The following GPC6 variants were observed in gnomAD, a reference collection of about 807,000 sequenced individuals.
GPC6 encodes glypican 6.
A neutral mutation model predicts 55.2 loss-of-function variants in GPC6; 14 were observed. The observed-to-expected ratio is 0.25, with a 90% CI of 0.17 to 0.40. GPC6 has a LOEUF of 0.40. GPC6 is among the 10% of genes least tolerant of loss of function. GPC6 has a pLI of 1.00. For missense variants in GPC6, 641 were observed against 708.5 expected (o/e 0.90, Z 1.08); for synonymous variants, 278 against 259.6 (o/e 1.07, Z -0.68).
chr13:93,667,735 G>GTTTTTTTTTT (rs71126408), intron 2 of GPC6, among the ~76,000 whole-genome samples: 25,837 of 120,212 alleles, frequency 0.21, 2,952 homozygotes, highest in East Asian at 0.4. Context: ...GCCAGGACTT[G>GTTTTTTTTTT]TTTTTTTTTT....
At chr13:93,401,255 A>G (rs1307396617) in intron 1 of GPC6, among the ~76,000 whole-genome samples, 2 of 151,764 alleles carry the variant, frequency 1.3e-5, no homozygotes, top group African/African-American at 2.4e-5. Flanking sequence ...CACTTGGCAG[A>G]CAAATGTATG....
At chr13:93,255,345 A>G (rs1008102615) in intron 1 of GPC6, among the ~76,000 whole-genome samples, 3 of 152,156 alleles carry the variant, frequency 2.0e-5, no homozygotes, top group Admixed American at 2.0e-4. Flanking sequence ...TTATACTAGA[A>G]CCATTCAAAT....
At chr13:94,103,492 C>A (rs1387643817) in intron 4 of GPC6, among the ~76,000 whole-genome samples, 2 of 152,184 alleles carry the variant, frequency 1.3e-5, no homozygotes, top group African/African-American at 4.8e-5. Flanking sequence ...AACTAGTTTA[C>A]ACTCCCACCA....
At chr13:93,759,543 C>T (rs1884888978) in intron 2 of GPC6, among the ~76,000 whole-genome samples, 4 of 152,120 alleles carry the variant, frequency 2.6e-5, no homozygotes, top group Admixed American at 2.6e-4. Context: ...AATATAGCTT[C>T]TTGTTTTCCT....
chr13:93,662,365 C>T (rs534487733), intron 2 of GPC6, among the ~76,000 whole-genome samples: 2 of 152,222 alleles, frequency 1.3e-5, no homozygotes, highest in Admixed American at 6.5e-5. Context: ...GGTGGTGGCT[C>T]ACGCCTGTAA....
chr13:94,158,577 T>G (rs1888041466), intron 4 of GPC6, among the ~76,000 whole-genome samples: 1 of 151,974 alleles, frequency 6.6e-6, no homozygotes, highest in Non-Finnish European at 1.5e-5. Context: ...CAGGAGAGAA[T>G]GAGTAACAAG....
chr13:93,554,029 T>C (rs927744785), intron 2 of GPC6, among the ~76,000 whole-genome samples: 3 of 148,998 alleles, frequency 2.0e-5, no homozygotes, highest in African/African-American at 7.5e-5. Flanking sequence ...AGGCCTGTAA[T>C]CCCAGCTACT....
chr13:93,703,239 G>T (rs1882734120), intron 2 of GPC6, among the ~76,000 whole-genome samples: 1 of 151,880 alleles, frequency 6.6e-6, no homozygotes, highest in African/African-American at 2.4e-5. Context: ...AATGGTCAGT[G>T]AGTAGAGCAG....
intron 4 of GPC6, among the ~76,000 whole-genome samples, chr13:94,174,568 G>T (rs1888680342): frequency 6.6e-6 from 1 of 152,088 alleles, no homozygotes; most frequent in African/African-American, 2.4e-5. Flanking sequence ...TGGCAAAGCA[G>T]AAGGTCAGTG....
At chr13:93,677,909 A>G (rs1258293710) in intron 2 of GPC6, among the ~76,000 whole-genome samples, 1 of 152,148 alleles carries the variant, frequency 6.6e-6, no homozygotes, top group East Asian at 1.9e-4. Context: ...CATTTGTGTT[A>G]ATATTTCAAT....
chr13:94,260,171 G>A (rs921008896), intron 4 of GPC6, among the ~76,000 whole-genome samples: 3 of 152,168 alleles, frequency 2.0e-5, no homozygotes, highest in African/African-American at 7.2e-5. Context: ...AGTGACACCT[G>A]CTGCCATGGT....
At chr13:93,618,813 T>G (rs1408111766) in intron 2 of GPC6, among the ~76,000 whole-genome samples, 1 of 152,170 alleles carries the variant, frequency 6.6e-6, no homozygotes, top group South Asian at 2.1e-4. Context: ...CAACAAACCA[T>G]TAATTATAGA....
chr13:94,390,883 GA>G (rs754651508), intron 7 of GPC6, among the ~76,000 whole-genome samples: 13 of 136,122 alleles, frequency 9.6e-5, no homozygotes, highest in Admixed American at 5.0e-4. Context: ...TTGCAAATGG[GA>G]AAAAAAAAAT....
At chr13:93,451,755 AATTCAATAGC>A (rs1310716330) in intron 1 of GPC6, among the ~76,000 whole-genome samples, 2 of 152,220 alleles carry the variant, frequency 1.3e-5, no homozygotes, top group Non-Finnish European at 2.9e-5. Context: ...TCTTTTTAAA[AATTCAATAGC>A]ATTCTAGTTG....
chr13:94,239,959 C>T (rs1891004105), intron 4 of GPC6, among the ~76,000 whole-genome samples: 1 of 152,034 alleles, frequency 6.6e-6, no homozygotes, highest in Non-Finnish European at 1.5e-5. Context: ...GTGATGCTCA[C>T]CTACTTTAAA....
At chr13:93,960,225 G>A (rs1879704573) in intron 3 of GPC6, among the ~76,000 whole-genome samples, 1 of 152,124 alleles carries the variant, frequency 6.6e-6, no homozygotes, top group South Asian at 2.1e-4. Context: ...TATGGTAGAT[G>A]GTCATGGATG....
intron 6 of GPC6, among the ~76,000 whole-genome samples, chr13:94,354,348 CA>C (rs61181264): frequency 0.18 from 24,430 of 136,168 alleles, 2,652 homozygotes; most frequent in African/African-American, 0.32. Flanking sequence ...AAAAAAGATA[CA>C]AAAAAAAAAA....
chr13:93,294,348 C>A (rs1351684157), intron 1 of GPC6, among the ~76,000 whole-genome samples: 1 of 152,122 alleles, frequency 6.6e-6, no homozygotes, highest in Non-Finnish European at 1.5e-5. Context: ...ATCTTTGATA[C>A]ATGGATTCTT....
intron 2 of GPC6, among the ~76,000 whole-genome samples, chr13:93,587,677 G>T (rs1566437516): frequency 6.6e-6 from 1 of 151,978 alleles, no homozygotes; most frequent in African/African-American, 2.4e-5. Flanking sequence ...CTCAGTACTC[G>T]ACTTGACTGT....
Sources: gnomAD v4.1 joint callset for allele counts (sites outside exome capture counted in the v4.1 genomes callset) on GRCh38, gnomAD v4.1.1 for gene constraint, MANE v1.5 for transcripts, NCBI Gene and HGNC (gene_info 2026-07-23, HGNC 2026-07-21) for gene names.